SUPT5H: variants seen among roughly 807,000 people sequenced by gnomAD.
SUPT5H encodes transcription elongation factor SPT5.
Under a neutral mutation model 142.5 loss-of-function variants are expected in SUPT5H, and 24 were observed. The observed-to-expected ratio is 0.17, with a 90% CI of 0.12 to 0.24. SUPT5H has a LOEUF of 0.24. SUPT5H is among the 10% of genes least tolerant of loss of function. The probability of loss-of-function intolerance (pLI) is 1.00; values close to 1 mark genes in which losing one functional copy is unlikely to be tolerated. For missense variants in SUPT5H, 893 were observed against 1,471.8 expected, an observed-to-expected ratio of 0.61 and a Z score of 6.43; for synonymous variants, 546 against 553.0, an observed-to-expected ratio of 0.99 and a Z score of 0.18.
intron 10 of SUPT5H, 168 bp downstream of exon 10, chr19:39,460,128 G>C (rs935146369): frequency 3.1e-6 from 2 of 654,618 alleles, no homozygotes; most frequent in East Asian, 2.7e-5. Context: ...GGCTCTTCTC[G>C]GCCTAGATGG....
At chr19:39,461,549 G>A (rs1027674313) in intron 10 of SUPT5H, among the ~76,000 whole-genome samples, 1 of 151,944 alleles carries the variant, frequency 6.6e-6, no homozygotes, top group African/African-American at 2.4e-5. Flanking sequence ...TAGGCCGGGC[G>A]CGGTGGCTCA....
At chr19:39,446,072 G>A in intron 2 of SUPT5H, 107 bp downstream of exon 2, 1 of 1,204,972 alleles carries the variant, frequency 8.3e-7, no homozygotes, top group Admixed American at 2.0e-5. Context: ...CTGGCTTCTG[G>A]GAACTCCCAG....
At chr19:39,454,380 G>C (rs2079060391) in intron 3 of SUPT5H, among the ~76,000 whole-genome samples, 1 of 144,614 alleles carries the variant, frequency 6.9e-6, no homozygotes, top group Non-Finnish European at 1.5e-5. Context: ...TTTTGAGACG[G>C]AGTCTCGCTC....
chr19:39,458,232 C>T lies in SUPT5H; in HGVS notation c.308-62C>T. 4.4e-6 allele frequency: 1 copy of T among 224,956 alleles called. No individual in the cohort carries two copies. The highest frequency in any genetic ancestry group is 5.4e-6 in the Non-Finnish European group (1 of 185,746). The allele number at this position is 224,956 out of a possible 1,614,324, so 13.9% of individuals were successfully genotyped here. ...TGGCTCATACTTTGTCTGCCCTCGCCCACCACCACCACCACCACCACCACC... is the reference window on the plus strand; with the variant it reads ...TGGCTCATACTTTGTCTGCCCTCGCTCACCACCACCACCACCACCACCACC... On this transcript the variant is annotated intron_variant, in intron 4 of 29. Coordinates refer to ENST00000432763, the MANE Select transcript of SUPT5H (RefSeq NM_001111020.3). The surrounding 1 kb of genome is among the most constrained non-coding windows in gnomAD (Gnocchi z 4.2).
chr19:39,459,721 C>A, intron 9 of SUPT5H, 132 bp downstream of exon 9: 1 of 1,316,236 alleles, frequency 7.6e-7, no homozygotes, highest in East Asian at 2.3e-5. Flanking sequence ...CCATCCCTCA[C>A]TCCACGTTAC....
At position 39,471,704 on chromosome 19, in the gene SUPT5H, C is replaced by T; in HGVS notation, c.1924C>T (p.His642Tyr). 1 of 1,614,128 alleles carries T rather than the reference C, an allele frequency of 6.2e-7. No homozygotes were observed. Among genetic ancestry groups the T allele is most frequent in the Non-Finnish European group, 8.5e-7 (1 of 1,180,018 alleles). Reference protein sequence around the residue: ...NGGMFVCKTRHLVLAGGSKPR... With the variant: ...NGGMFVCKTRYLVLAGGSKPR... ...GGGCATGTTTGTCTGCAAGACCCGC[C>T]ACCTGGTGCTGGCTGGGGGCTCAAA... Residue 642 changes from histidine (H) to tyrosine (Y), a missense_variant, in exon 20 of 30, where the codon CAC becomes TAC. Around this residue, in one of 6 missense-constraint regions of SUPT5H, gnomAD observed 428 missense variants for 763.5 expected, o/e 0.56. Coordinates refer to ENST00000432763, the MANE Select transcript of SUPT5H (RefSeq NM_001111020.3).
chr19:39,459,480 G>C (rs999559952), intron 8 of SUPT5H, 79 bp from the exon 9 acceptor site: 10 of 1,560,086 alleles, frequency 6.4e-6, no homozygotes, highest in African/African-American at 5.4e-5. Flanking sequence ...CCAGAGGAAG[G>C]GGGTGGCCCT....
At chr19:39,447,650 C>G (rs1438339039) in intron 2 of SUPT5H, among the ~76,000 whole-genome samples, 1 of 152,020 alleles carries the variant, frequency 6.6e-6, no homozygotes, top group Non-Finnish European at 1.5e-5. Flanking sequence ...AACTCCTGAC[C>G]TCAGGTGATC....
chr19:39,471,834 A>C (rs2079325669), intron 20 of SUPT5H, 104 bp downstream of exon 20: 1 of 1,456,790 alleles, frequency 6.9e-7, no homozygotes, highest in Admixed American at 2.5e-5. Context: ...AGGGATTAGG[A>C]GAGCAGTGTC....
chr19:39,472,800 C>A lies in SUPT5H; in HGVS notation c.2036-10C>A. 2 of 1,609,510 alleles carry A rather than the reference C, an allele frequency of 1.2e-6. No individual in the cohort carries two copies. Among genetic ancestry groups the A allele is most frequent in the Non-Finnish European group, 1.7e-6 (2 of 1,177,588 alleles). ...CGTGGGGGACCAGTGACATTCTCCC[C>A]AATCCCCAGGTCAGCGTGGCGGCTT... On this transcript the variant is annotated splice_polypyrimidine_tract_variant and intron_variant, in intron 21 of 29. Transcript: ENST00000432763. The surrounding 1 kb of genome is among the most constrained non-coding windows in gnomAD (Gnocchi z 4.2).
rs1266808954 is a variant in SUPT5H at position 39,469,970 on chromosome 19, G to A, written c.1375-149G>A. The A allele has an allele frequency of 1.8e-5, 19 of 1,046,456 alleles. No homozygotes were observed. Among genetic ancestry groups the A allele is most frequent in the East Asian group, 7.5e-5 (3 of 39,834 alleles). 64.8% of individuals were successfully genotyped at this position (1,046,456 alleles called of 1,614,324 possible). A position where few individuals can be genotyped will look rare whatever the true frequency, so the allele number is the denominator to read the frequency against. On this transcript the variant is annotated intron_variant, in intron 16 of 29. Coordinates refer to ENST00000432763, the MANE Select transcript of SUPT5H (RefSeq NM_001111020.3). The surrounding 1 kb of genome is among the most constrained non-coding windows in gnomAD (Gnocchi z 5.1). ...TGTTTCTGGGGCAGTCTGAGGGGTC[G>A]TCCAGGTGGACTAAGGTAGTCTGGG...
At position 39,473,994 on chromosome 19, in the gene SUPT5H, G is replaced by C. The variant is rs1008326534; in HGVS notation, c.2524G>C (p.Asp842His). The change falls in exon 26 of 30, where the codon GAT (aspartate) becomes CAT (histidine). Residue 842 changes from aspartate (D) to histidine (H), a missense_variant. Coordinates refer to ENST00000432763, the MANE Select transcript of SUPT5H (RefSeq NM_001111020.3). This position sits in a 1 kb window ranked among gnomAD's most constrained non-coding sequence, Gnocchi z 5.8. ...AEEEYEYAFDDEPTPSPQAYG... is the reference protein window; with the variant it reads ...AEEEYEYAFDHEPTPSPQAYG... ...GGAAGAATATGAGTATGCTTTCGAT[G>C]ATGAGCCCACCCCGTCCCCGCAGGC... 1 of 1,613,910 alleles carries C rather than the reference G, an allele frequency of 6.2e-7. No individual in the cohort carries two copies. Among genetic ancestry groups the C allele is most frequent in the Non-Finnish European group, 8.5e-7 (1 of 1,179,960 alleles).
chr19:39,449,704 C>T (rs373649972), intron 2 of SUPT5H, among the ~76,000 whole-genome samples: 4 of 151,170 alleles, frequency 2.6e-5, no homozygotes, highest in African/African-American at 4.9e-5. Flanking sequence ...TGCAGTGGCA[C>T]GATCTCAGCT....
At chr19:39,457,497 T>C (rs368409385) in intron 3 of SUPT5H, among the ~76,000 whole-genome samples, 178 bp from the exon 4 acceptor site, 1 of 152,216 alleles carries the variant, frequency 6.6e-6, no homozygotes, top group Non-Finnish European at 1.5e-5. Context: ...CCCTCGATCC[T>C]GATGCGTGCA....
chr19:39,468,567 G>C, intron 13 of SUPT5H, 189 bp from the exon 14 acceptor site: 1 of 600,878 alleles, frequency 1.7e-6, no homozygotes, highest in East Asian at 2.8e-5. Flanking sequence ...GTGGAGGAGT[G>C]CAGGGAGGTG....
chr19:39,472,259 G>T lies in SUPT5H; in HGVS notation c.1951-150G>T, dbSNP rs911251508. On this transcript the variant is annotated intron_variant, in intron 20 of 29. Coordinates refer to ENST00000432763, the MANE Select transcript of SUPT5H (RefSeq NM_001111020.3). This position sits in a 1 kb window ranked among gnomAD's most constrained non-coding sequence, Gnocchi z 4.2. ...CCTGAGGTGGGGCTTGTAGGAAAGTGTGCAGGACCAGCTGTCACAGAGGAA... is the reference window on the plus strand; with the variant it reads ...CCTGAGGTGGGGCTTGTAGGAAAGTTTGCAGGACCAGCTGTCACAGAGGAA... The T allele has an allele frequency of 1.1e-5, 8 of 717,698 alleles. No individual in the cohort carries two copies. The African/African-American group carries it at 1.2e-4, about 11-fold the overall frequency. The allele number at this position is 717,698 out of a possible 1,614,324, so 44.5% of individuals were successfully genotyped here. A position where few individuals can be genotyped will look rare whatever the true frequency, so the allele number is the denominator to read the frequency against.
At position 39,458,551 on chromosome 19, in the gene SUPT5H, G is replaced by T; in HGVS notation, c.319+246G>T. The T allele has an allele frequency of 1.3e-6, 1 of 795,262 alleles. No individual in the cohort carries two copies. The highest frequency in any genetic ancestry group is 1.7e-5 in the South Asian group (1 of 57,472). The allele number at this position is 795,262 out of a possible 1,614,324, so 49.3% of individuals were successfully genotyped here. ...TGTGGGTGGTAGCGATGTGTGGGGT[G>T]GGGTGCAGTCCAGGGTGTGCCTGGA... On this transcript the variant is annotated intron_variant, in intron 5 of 29. Coordinates refer to ENST00000432763, the MANE Select transcript of SUPT5H (RefSeq NM_001111020.3). This position sits in a 1 kb window ranked among gnomAD's most constrained non-coding sequence, Gnocchi z 4.2.
In SUPT5H at chr19:39,458,826, A is replaced by G. The variant is rs761549588; in HGVS notation, c.328A>G (p.Ile110Val). The change falls in exon 6 of 30, where the codon ATC becomes GTC. Residue 110 changes from isoleucine to valine, a missense_variant. Ile to Val is a conservative substitution (Grantham distance 29). Coordinates refer to ENST00000432763, the MANE Select transcript of SUPT5H (RefSeq NM_001111020.3). This position sits in a 1 kb window ranked among gnomAD's most constrained non-coding sequence, Gnocchi z 4.2. ...TGCCCATTATTTTTCAGCCTCCAATATCGATAATGTTGTCCTGGATGAAGA... is the reference window on the plus strand; with the variant it reads ...TGCCCATTATTTTTCAGCCTCCAATGTCGATAATGTTGTCCTGGATGAAGA... ...LEKEEIEASN[I>V]DNVVLDEDRS... The G allele has an allele frequency of 6.2e-7, 1 of 1,611,624 alleles. No homozygotes were observed. The highest frequency in any genetic ancestry group is 8.5e-7 in the Non-Finnish European group (1 of 1,178,420).
At chr19:39,460,380 G>A (rs960893108) in intron 10 of SUPT5H, among the ~76,000 whole-genome samples, 2 of 152,198 alleles carry the variant, frequency 1.3e-5, no homozygotes, top group Non-Finnish European at 2.9e-5. Flanking sequence ...TCTTAGCTGT[G>A]TGACTCTGAT....
Sources: gnomAD v4.1 joint callset for allele counts (sites outside exome capture counted in the v4.1 genomes callset) on GRCh38, gnomAD v4.1.1 for gene constraint, gnomAD v4.1.1 regional missense constraint, Gnocchi (gnomAD v3.1) non-coding constraint, MANE v1.5 for transcripts, NCBI Gene and HGNC (gene_info 2026-07-23, HGNC 2026-07-21) for gene names.